Variants in ZNF609 observed in about 807,000 individuals in gnomAD.
The protein encoded by ZNF609 is zinc finger protein 609.
Under a neutral mutation model 109.5 loss-of-function variants are expected in ZNF609, and 11 were observed. That is an observed-to-expected ratio of 0.10 (90% CI 0.06 to 0.17). ZNF609 has a LOEUF of 0.17. Ranked by LOEUF, ZNF609 falls within the 10% of genes least tolerant of loss-of-function variation. The probability of loss-of-function intolerance (pLI) is 1.00; values close to 1 mark genes in which losing one functional copy is unlikely to be tolerated. For synonymous variants in ZNF609, 646 were observed against 662.0 expected (o/e 0.98, Z 0.37); for missense variants, 1,559 against 1,772.4 (o/e 0.88, Z 2.16).
Position 64,656,284 on chromosome 15 carries a change from G to A in ZNF609, c.974-14062G>A, listed in dbSNP as rs148290702. The stretch of plus-strand genomic sequence containing the variant: ...TTACCATGTTGCCCAGGCTGGTCTC[G>A]AACTCCTGACCTCAAGTGATCAGCC... On this transcript the variant is annotated intron_variant, in intron 3 of 9. Coordinates refer to ENST00000326648, the MANE Select transcript of ZNF609 (RefSeq NM_015042.2). Among the ~76,000 whole-genome samples, 702 of 152,128 alleles carry A rather than the reference G, an allele frequency of 4.6e-3. 6 individuals are homozygous for A. The highest frequency in any genetic ancestry group is 0.016 in the African/African-American group (650 of 41,506).
chr15:64,514,950 T>G (rs976023210), intron 2 of ZNF609, among the ~76,000 whole-genome samples: 11 of 152,172 alleles, frequency 7.2e-5, no homozygotes, highest in African/African-American at 2.7e-4. Flanking sequence ...TTTTTAAAAT[T>G]TTTTAATCCT....
intron 1 of ZNF609, among the ~76,000 whole-genome samples, chr15:64,472,662 C>G (rs768955587): frequency 2.0e-5 from 3 of 152,046 alleles, no homozygotes; most frequent in Admixed American, 1.3e-4. Flanking sequence ...CCCAGGAGTT[C>G]AAGGCCAACC....
At chr15:64,582,365 A>G in intron 2 of ZNF609, among the ~76,000 whole-genome samples, 1 of 152,296 alleles carries the variant, frequency 6.6e-6, no homozygotes, top group Admixed American at 6.5e-5. Flanking sequence ...TTCAGTATCA[A>G]GCATGCTATT....
chr15:64,552,321 G>A (rs1894496036), intron 2 of ZNF609, among the ~76,000 whole-genome samples: 1 of 152,086 alleles, frequency 6.6e-6, no homozygotes, highest in Non-Finnish European at 1.5e-5. Flanking sequence ...TCCAACTTTA[G>A]TTAATTTTTA....
chr15:64,486,532 A>G (rs569658445), intron 1 of ZNF609, among the ~76,000 whole-genome samples: 44 of 152,182 alleles, frequency 2.9e-4, no homozygotes, highest in African/African-American at 1.0e-3. Context: ...TCCAAAAAAA[A>G]AAAAAAAAAA....
intron 2 of ZNF609, among the ~76,000 whole-genome samples, chr15:64,534,377 T>A (rs367639263): frequency 2.1e-4 from 31 of 149,994 alleles, no homozygotes; most frequent in African/African-American, 7.4e-4. Context: ...AGTGGTGTGA[T>A]CTGGGCCCAC....
chr15:64,501,144 C>G (rs757652685), intron 2 of ZNF609: 9 of 152,272 alleles, frequency 5.9e-5, no homozygotes, highest in Non-Finnish European at 1.2e-4. Context: ...GTGCTCTGCT[C>G]ATCCTGTGCT....
intron 2 of ZNF609, among the ~76,000 whole-genome samples, chr15:64,585,060 CATG>C (rs1895173853): frequency 6.6e-6 from 1 of 151,364 alleles, no homozygotes; most frequent in Non-Finnish European, 1.5e-5. Flanking sequence ...TGTGGTGGCT[CATG>C]CCTATAATCC....
Position 64,678,446 on chromosome 15 carries a change from C to T in ZNF609, c.3733C>T (p.Arg1245Trp), listed in dbSNP as rs1425968523. 6 of 1,602,770 alleles carry T rather than the reference C, an allele frequency of 3.7e-6. No individual in the cohort carries two copies. The Admixed American group carries it at 8.4e-5, about 23-fold the overall frequency. Residue 1245 changes from arginine to tryptophan, a missense_variant, in exon 6 of 10, where the codon CGG (arginine) becomes TGG (tryptophan). Physicochemically the swap from Arg to Trp is moderately radical, Grantham distance 101 (BLOSUM62 -3). Coordinates refer to ENST00000326648, the MANE Select transcript of ZNF609 (RefSeq NM_015042.2). ...CTACGACCCCAACCACCCCAGCTAC[C>T]GGAGCATGCCTGCTGTGATGATGCA... ...QSYDPNHPSYRSMPAVMMQNY... is the reference protein window; with the variant it reads ...QSYDPNHPSYWSMPAVMMQNY...
chr15:64,638,044 T>TCTAAAATATATATAAAAATAC (rs1896202598), intron 3 of ZNF609, among the ~76,000 whole-genome samples: 1 of 146,114 alleles, frequency 6.8e-6, no homozygotes, highest in Non-Finnish European at 1.5e-5. Flanking sequence ...CATATATATA[T>TCTAAAATATATATAAAAATAC]ATATGTATTT....
intron 3 of ZNF609, chr15:64,631,541 CTT>C: frequency 1.7e-6 from 1 of 581,482 alleles, no homozygotes. Flanking sequence ...TCTTTTCTTT[CTT>C]TTTTTTTAGA....
At chr15:64,469,177 C>T (rs967547333) in intron 1 of ZNF609, among the ~76,000 whole-genome samples, 6 of 151,592 alleles carry the variant, frequency 4.0e-5, no homozygotes, top group South Asian at 2.1e-4. Context: ...GCAGGAGAAT[C>T]GCTTAAACTT....
intron 2 of ZNF609, among the ~76,000 whole-genome samples, chr15:64,573,448 G>A (rs1175848572): frequency 1.4e-5 from 2 of 141,858 alleles, no homozygotes; most frequent in Admixed American, 7.8e-5. Flanking sequence ...TCCGCCTGCC[G>A]GGTTCATACC....
At chr15:64,645,714 C>T (rs973169281) in intron 3 of ZNF609, among the ~76,000 whole-genome samples, 1 of 151,810 alleles carries the variant, frequency 6.6e-6, no homozygotes, top group Non-Finnish European at 1.5e-5. Context: ...TTCAAAAATG[C>T]GCGTAAGACT....
chr15:64,485,073 C>T (rs1431717534), intron 1 of ZNF609, among the ~76,000 whole-genome samples: 1 of 152,064 alleles, frequency 6.6e-6, no homozygotes, highest in African/African-American at 2.4e-5. Context: ...GGAAGAGAAT[C>T]AGTACCAAAT....
intron 2 of ZNF609, among the ~76,000 whole-genome samples, chr15:64,570,086 C>T (rs1420548162): frequency 6.6e-6 from 1 of 152,198 alleles, no homozygotes; most frequent in East Asian, 1.9e-4. Flanking sequence ...TCTCAAACTC[C>T]TGTGCTCAAG....
chr15:64,621,079 A>T (rs1895868315), intron 2 of ZNF609, among the ~76,000 whole-genome samples: 2 of 152,236 alleles, frequency 1.3e-5, no homozygotes, highest in African/African-American at 4.8e-5. Context: ...ACTCTCTATT[A>T]AAGGACCTAG....
intron 3 of ZNF609, among the ~76,000 whole-genome samples, chr15:64,645,397 A>G (rs1030214107): frequency 2.0e-5 from 3 of 150,518 alleles, no homozygotes; most frequent in South Asian, 2.1e-4. Flanking sequence ...GGCGTCCTAC[A>G]TTTTCTGCCC....
chr15:64,620,478 C>T (rs1245017829), intron 2 of ZNF609, among the ~76,000 whole-genome samples: 1 of 152,190 alleles, frequency 6.6e-6, no homozygotes, highest in Non-Finnish European at 1.5e-5. Context: ...TTTTAAAGAT[C>T]TTTCCAGGAT....
Sources: gnomAD v4.1 joint callset for allele counts (sites outside exome capture counted in the v4.1 genomes callset) on GRCh38, gnomAD v4.1.1 for gene constraint, MANE v1.5 for transcripts, NCBI Gene and HGNC (gene_info 2026-07-23, HGNC 2026-07-21) for gene names.